ROBO2: variants seen among roughly 807,000 people sequenced by gnomAD.
ROBO2 encodes the protein roundabout homolog 2.
ROBO2 carries 53 observed loss-of-function variants against 160.8 expected under a neutral mutation model. The observed-to-expected ratio is 0.33, with a 90% CI of 0.26 to 0.41. The LOEUF is 0.41. Among genes scored for constraint, ROBO2 ranks in the 10% least tolerant of loss-of-function variants. ROBO2 has a pLI of 1.00. For synonymous variants in ROBO2, 664 were observed against 611.7 expected, an observed-to-expected ratio of 1.09 and a Z score of -1.26; for missense variants, 1,577 against 1,722.4, an observed-to-expected ratio of 0.92 and a Z score of 1.49.
At chr3:76,199,144 C>T (rs1702398662) in intron 2 of ROBO2, among the ~76,000 whole-genome samples, 1 of 152,144 alleles carries the variant, frequency 6.6e-6, no homozygotes. Flanking sequence ...CCCTCCCAGT[C>T]TGCCACCCAA....
intron 19 of ROBO2, among the ~76,000 whole-genome samples, chr3:77,598,338 C>G (rs2094352133): frequency 6.6e-6 from 1 of 151,020 alleles, no homozygotes; most frequent in Non-Finnish European, 1.5e-5. Context: ...CTGTCAGTAC[C>G]AACTATGAGA....
intron 2 of ROBO2, among the ~76,000 whole-genome samples, chr3:76,116,258 T>C (rs2070466436): frequency 6.6e-6 from 1 of 152,158 alleles, no homozygotes; most frequent in Admixed American, 6.5e-5. Flanking sequence ...CACAAAAGTG[T>C]CAGGTGCAAT....
chr3:76,268,847 A>G (rs1041824663), intron 2 of ROBO2, among the ~76,000 whole-genome samples: 1 of 152,174 alleles, frequency 6.6e-6, no homozygotes, highest in Non-Finnish European at 1.5e-5. Flanking sequence ...GGTAAATCAG[A>G]AAACTGAAAT....
intron 2 of ROBO2, among the ~76,000 whole-genome samples, chr3:76,342,641 A>G (rs2074297938): frequency 1.3e-5 from 2 of 152,152 alleles, no homozygotes; most frequent in Admixed American, 6.5e-5. Flanking sequence ...AATATATCCT[A>G]TAACAAAGGG....
At chr3:76,939,978 G>GTTTTT (rs2078048454) in intron 2 of ROBO2, among the ~76,000 whole-genome samples, 2 of 81,458 alleles carry the variant, frequency 2.5e-5, no homozygotes, top group East Asian at 3.7e-4. Flanking sequence ...AAAGCAACAG[G>GTTTTT]ATTTTTTTTT....
chr3:77,271,527 G>T (rs958893335), intron 2 of ROBO2, among the ~76,000 whole-genome samples: 1 of 152,184 alleles, frequency 6.6e-6, no homozygotes, highest in African/African-American at 2.4e-5. Flanking sequence ...CATTGAGTGG[G>T]AGGAATTCAG....
chr3:76,862,428 A>T (rs903808923), intron 2 of ROBO2, among the ~76,000 whole-genome samples: 2 of 152,136 alleles, frequency 1.3e-5, no homozygotes, highest in Admixed American at 1.3e-4. Context: ...GCCACACAGG[A>T]ATTTTCATAA....
chr3:77,622,330 G>A lies in ROBO2; in HGVS notation c.3658G>A (p.Asp1220Asn), dbSNP rs267599936. ...TTTGGAAACGGATGTTGCAGATGATGATGCCGACGACGAAGAGGAAGCTTT... is the reference window on the plus strand; with the variant it reads ...TTTGGAAACGGATGTTGCAGATGATAATGCCGACGACGAAGAGGAAGCTTT... Residue 1220 changes from aspartate (D) to asparagine (N), a missense_variant, in exon 23 of 26, where the codon GAT becomes AAT. Physicochemically the swap from Asp to Asn is conservative, Grantham distance 23 (BLOSUM62 1). This residue lies in a region of ROBO2 where 637 missense variants were observed against 586.9 expected (regional missense o/e 1.09). Coordinates refer to ENST00000461745, the Ensembl canonical transcript of ROBO2. 4 of 1,614,174 alleles carry A rather than the reference G, an allele frequency of 2.5e-6. No homozygotes were observed. Among genetic ancestry groups the A allele is most frequent in the Non-Finnish European group, 8.5e-7 (1 of 1,180,042 alleles).
chr3:76,763,691 C>T (rs556985316), intron 2 of ROBO2, among the ~76,000 whole-genome samples: 95 of 151,774 alleles, frequency 6.3e-4, no homozygotes, highest in African/African-American at 2.2e-3. Context: ...CCTCATTGTG[C>T]ATTCATAATT....
At chr3:77,458,110 A>G (rs1209251020) in intron 2 of ROBO2, among the ~76,000 whole-genome samples, 3 of 152,106 alleles carry the variant, frequency 2.0e-5, no homozygotes, top group African/African-American at 4.8e-5. Context: ...TCCCCATTTC[A>G]CAGATGAAGA....
intron 2 of ROBO2, among the ~76,000 whole-genome samples, chr3:77,384,905 G>C (rs2073940626): frequency 6.6e-6 from 1 of 152,144 alleles, no homozygotes; most frequent in South Asian, 2.1e-4. Context: ...TTTCAAAGCT[G>C]TTGAGTTCAT....
At position 76,765,022 on chromosome 3, in the gene ROBO2, T is replaced by G. The variant is rs141211775; in HGVS notation, c.110-332992T>G. Reference sequence around the variant, plus strand: ...CACCCTTCACCCAAATAGTGAACATTGTACCCAATAGGTAATTTTTCAACC... The same window carrying G: ...CACCCTTCACCCAAATAGTGAACATGGTACCCAATAGGTAATTTTTCAACC... On this transcript the variant is annotated intron_variant, in intron 2 of 26. Coordinates refer to the ROBO2 transcript ENST00000487694. Among the ~76,000 whole-genome samples, 548 of 151,738 alleles carry G rather than the reference T, an allele frequency of 3.6e-3. 4 individuals carry two copies. Among genetic ancestry groups the G allele is most frequent in the African/African-American group, 0.013 (524 of 41,446 alleles).
chr3:76,922,676 T>C (rs1468432488), intron 2 of ROBO2, among the ~76,000 whole-genome samples: 2 of 152,170 alleles, frequency 1.3e-5, no homozygotes, highest in Non-Finnish European at 1.5e-5. Flanking sequence ...TATCCACTTG[T>C]CTCGGCATCT....
intron 2 of ROBO2, among the ~76,000 whole-genome samples, chr3:77,196,944 A>G (rs940586749): frequency 1.3e-4 from 20 of 152,076 alleles, no homozygotes; most frequent in Admixed American, 9.2e-4. Flanking sequence ...TTAATTAAAA[A>G]AAAGGAGACC....
At position 75,962,015 on chromosome 3, in the gene ROBO2, AAAG is replaced by A. The variant is rs139740315; in HGVS notation, c.109+24418_109+24420del. 6.9e-3 allele frequency among the ~76,000 whole-genome samples: 1,048 copies of A among 151,642 alleles called. 11 individuals carry two copies. The highest frequency in any genetic ancestry group is 0.024 in the African/African-American group (992 of 41,476). ...TCCAAACAATGACCTTGTATTAATA[AAAG>A]AAGACATTAAAGTAGTATATTGATA... is the stretch of plus-strand genomic sequence containing the variant. On this transcript the variant is annotated intron_variant, in intron 2 of 26. Coordinates refer to the ROBO2 transcript ENST00000487694.
chr3:77,539,472 A>G (rs1383725731), intron 6 of ROBO2, among the ~76,000 whole-genome samples: 2 of 152,140 alleles, frequency 1.3e-5, no homozygotes, highest in Non-Finnish European at 2.9e-5. Context: ...TTCAAACACT[A>G]TATTTACTAC....
At position 77,389,916 on chromosome 3, in the gene ROBO2, A is replaced by G. The variant is rs141208146; in HGVS notation, c.389-87498A>G. On this transcript the variant is annotated intron_variant, in intron 2 of 25. Coordinates refer to ENST00000461745, the Ensembl canonical transcript of ROBO2. ...GTTCTCCTCCACTGTGTGGAAGCCTAGGCTACACTCTTGCCTTATACTTGA... is the reference window on the plus strand; with the variant it reads ...GTTCTCCTCCACTGTGTGGAAGCCTGGGCTACACTCTTGCCTTATACTTGA... 4.1e-3 allele frequency among the ~76,000 whole-genome samples: 626 copies of G among 152,302 alleles called. 3 individuals are homozygous for G. The highest frequency in any genetic ancestry group is 0.014 in the African/African-American group (581 of 41,570).
intron 2 of ROBO2, among the ~76,000 whole-genome samples, chr3:77,312,383 T>C (rs1015451338): frequency 6.6e-6 from 1 of 152,210 alleles, no homozygotes; most frequent in Non-Finnish European, 1.5e-5. Context: ...ACCTGTATTA[T>C]TTGGAAGCAT....
chr3:76,095,828 A>G (rs1027600813), intron 2 of ROBO2, among the ~76,000 whole-genome samples: 6 of 152,098 alleles, frequency 3.9e-5, no homozygotes, highest in African/African-American at 1.4e-4. Flanking sequence ...AATCTAACAT[A>G]CAAACAAAGC....
Sources: gnomAD v4.1 joint callset for allele counts (sites outside exome capture counted in the v4.1 genomes callset) on GRCh38, gnomAD v4.1.1 for gene constraint, gnomAD v4.1.1 regional missense constraint, MANE v1.5 for transcripts, NCBI Gene and HGNC (gene_info 2026-07-23, HGNC 2026-07-21) for gene names.